The following TIAL1 variants were observed in gnomAD, a reference collection of about 807,000 sequenced individuals.
The protein encoded by TIAL1 is nucleolysin TIAR.
In TIAL1, 7 loss-of-function variants were observed where a neutral mutation model predicts 59.7. The ratio of observed to expected loss-of-function variants is 0.12; its 90% CI spans 0.07 to 0.22. The LOEUF is 0.22. Among genes scored for constraint, TIAL1 ranks in the 10% least tolerant of loss-of-function variants. The pLI is 1.00. For synonymous variants in TIAL1, 149 were observed against 146.3 expected, an observed-to-expected ratio of 1.02 and a Z score of -0.13; for missense variants, 225 against 462.5, an observed-to-expected ratio of 0.49 and a Z score of 4.71.
At chr10:119,576,807 A>G (rs529064312) in intron 10 of TIAL1, 57 bp from the exon 11 acceptor site, 5 of 1,593,298 alleles carry the variant, frequency 3.1e-6, no homozygotes, top group African/African-American at 2.7e-5. Flanking sequence ...GTATATGAAG[A>G]AAGAGTGGGA....
At chr10:119,578,070 C>A (rs1357587150) in intron 7 of TIAL1, among the ~76,000 whole-genome samples, 2 of 151,790 alleles carry the variant, frequency 1.3e-5, no homozygotes, top group African/African-American at 4.8e-5. Context: ...ACTAAAAATA[C>A]AAAAATTGGC....
At chr10:119,593,417 G>C in intron 1 of TIAL1, 3 of 916,542 alleles carry the variant, frequency 3.3e-6, no homozygotes, top group Non-Finnish European at 3.9e-6. Context: ...AAATAAATTA[G>C]TAATACTGTA....
Position 119,596,786 on chromosome 10 carries a change from A to G in TIAL1, c.-321T>C. On this transcript the variant is annotated 5_prime_UTR_variant, in exon 1 of 12. Coordinates refer to ENST00000436547, the MANE Select transcript of TIAL1 (RefSeq NM_003252.4). ...CAAGGGGGACGACCGAGGGGAGAGA[A>G]AAAAGGGCCGCCGAGGAAACCCTGG... 2.4e-6 allele frequency: 1 copy of G among 408,252 alleles called. No homozygotes were observed. The highest frequency in any genetic ancestry group is 4.5e-6 in the Non-Finnish European group (1 of 223,854). The allele number at this position is 408,252 out of a possible 1,614,324, so 25.3% of individuals were successfully genotyped here.
chr10:119,586,968 A>G (rs547689991), intron 2 of TIAL1, among the ~76,000 whole-genome samples: 1 of 152,198 alleles, frequency 6.6e-6, no homozygotes, highest in African/African-American at 2.4e-5. Context: ...CTGTCTCTCC[A>G]TTATATCTCC....
At chr10:119,577,790 CTTCTG>C in intron 7 of TIAL1, 54 bp from the exon 8 acceptor site, 3 of 1,452,804 alleles carry the variant, frequency 2.1e-6, no homozygotes, top group Non-Finnish European at 2.9e-6. Context: ...CTATGAAACT[CTTCTG>C]TTAATTACTA....
In TIAL1 at chr10:119,596,501, AGGGCAGGGTTGGGGAGGGGAGGGGGT is replaced by A; in HGVS notation, c.-62_-37del. 3.0e-6 allele frequency: 1 copy of A among 329,682 alleles called. No homozygotes were observed. The allele number at this position is 329,682 out of a possible 1,614,324, so 20.4% of individuals were successfully genotyped here. On this transcript the variant is annotated 5_prime_UTR_variant, in exon 1 of 12. Transcript: ENST00000436547. Reference sequence around the variant, plus strand: ...ACGGAGCGATCCCGGGACAAGGGGGAGGGCAGGGTTGGGGAGGGGAGGGGGTGGGGAGGAAGGGGAGGGGGGCTCTG... The same window carrying A: ...ACGGAGCGATCCCGGGACAAGGGGGAGGGGAGGAAGGGGAGGGGGGCTCTG...
chr10:119,590,935 T>C (rs1268419676), intron 1 of TIAL1, among the ~76,000 whole-genome samples: 1 of 152,222 alleles, frequency 6.6e-6, no homozygotes, highest in African/African-American at 2.4e-5. Flanking sequence ...ATATTGAAGC[T>C]AGCTAATAAC....
intron 6 of TIAL1, among the ~76,000 whole-genome samples, chr10:119,579,093 T>C (rs2133962246): frequency 6.6e-6 from 1 of 152,304 alleles, no homozygotes; most frequent in Admixed American, 6.5e-5. Flanking sequence ...TCCCAGCACT[T>C]TGGGAGGCCA....
At chr10:119,579,869 A>C in intron 6 of TIAL1, 66 bp downstream of exon 6, 1 of 1,296,960 alleles carries the variant, frequency 7.7e-7, no homozygotes, top group South Asian at 1.5e-5. Flanking sequence ...TTTCAGATTC[A>C]ATACATTAAG....
At chr10:119,588,382 T>C in intron 1 of TIAL1, 134 bp from the exon 2 acceptor site, 1 of 517,006 alleles carries the variant, frequency 1.9e-6, no homozygotes, top group South Asian at 3.6e-5. Flanking sequence ...TTGCTCTTGT[T>C]GCCCAGGCTG....
At chr10:119,576,202 GAAA>G (rs34336844) in intron 11 of TIAL1, among the ~76,000 whole-genome samples, 3 of 109,070 alleles carry the variant, frequency 2.8e-5, no homozygotes, top group African/African-American at 9.6e-5. Context: ...ATCAACAAAA[GAAA>G]AAAAAAAAAA....
chr10:119,596,069 C>T (rs1846168465), intron 1 of TIAL1, among the ~76,000 whole-genome samples: 1 of 151,946 alleles, frequency 6.6e-6, no homozygotes, highest in South Asian at 2.1e-4. Context: ...AGGCCCTTCC[C>T]CCGTGGGCGC....
intron 1 of TIAL1, among the ~76,000 whole-genome samples, chr10:119,590,118 T>C (rs1845775199): frequency 6.6e-6 from 1 of 152,216 alleles, no homozygotes. Context: ...TTTATTGCAA[T>C]GAGTACTAAT....
At chr10:119,590,769 A>C (rs1845823643) in intron 1 of TIAL1, among the ~76,000 whole-genome samples, 1 of 87,266 alleles carries the variant, frequency 1.1e-5, no homozygotes, top group Non-Finnish European at 2.2e-5. Context: ...AGAGAGAAAG[A>C]AAGAAAGAAA....
intron 1 of TIAL1, chr10:119,593,406 C>T: frequency 3.3e-6 from 3 of 896,306 alleles, no homozygotes; most frequent in Non-Finnish European, 4.0e-6. Context: ...TAAATACCAT[C>T]AAATAAATTA....
Position 119,575,529 on chromosome 10 carries a change from A to G in TIAL1, c.*136T>C. ...AGACACGTGTCCTTCACCAAAGCAA[A>G]TCTGTGCTAAAGGTTCCAAACATTT... On this transcript the variant is annotated 3_prime_UTR_variant, in exon 12 of 12. Transcript: ENST00000436547. The G allele has an allele frequency of 8.3e-7, 1 of 1,202,884 alleles. No individual in the cohort carries two copies. Among genetic ancestry groups the G allele is most frequent in the Non-Finnish European group, 1.2e-6 (1 of 858,490 alleles). The allele number at this position is 1,202,884 out of a possible 1,614,324, so 74.5% of individuals were successfully genotyped here.
At chr10:119,579,888 G>T (rs1845221705) in intron 6 of TIAL1, 47 bp downstream of exon 6, 3 of 1,443,512 alleles carry the variant, frequency 2.1e-6, no homozygotes, top group African/African-American at 2.9e-5. Context: ...AGTAACTAAT[G>T]ACTAAATTTA....
rs979421360 is a variant in TIAL1 at position 119,574,924 on chromosome 10, G to A, written c.*741C>T. ...TGTAAAAGCACAAGTATGACTGTCT[G>A]ACTTCAATACAAACACCATACTTGG... On this transcript the variant is annotated 3_prime_UTR_variant, in exon 12 of 12. Transcript: ENST00000436547. 8 of 152,716 alleles carry A rather than the reference G, an allele frequency of 5.2e-5. No individual in the cohort carries two copies. The highest frequency in any genetic ancestry group is 1.9e-4 in the African/African-American group (8 of 41,554). The allele number at this position is 152,716 out of a possible 1,614,324, so 9.5% of individuals were successfully genotyped here. A position where few individuals can be genotyped will look rare whatever the true frequency, so the allele number is the denominator to read the frequency against.
chr10:119,577,041 G>A (rs1281473050), intron 10 of TIAL1, 39 bp downstream of exon 10: 3 of 1,607,378 alleles, frequency 1.9e-6, no homozygotes, highest in Admixed American at 1.7e-5. Context: ...TGACATGTAA[G>A]ATGGAAACCT....
Sources: gnomAD v4.1 joint callset for allele counts (sites outside exome capture counted in the v4.1 genomes callset) on GRCh38, gnomAD v4.1.1 for gene constraint, MANE v1.5 for transcripts, NCBI Gene and HGNC (gene_info 2026-07-23, HGNC 2026-07-21) for gene names.